Variants in PTPRT observed in about 807,000 individuals in gnomAD.
PTPRT encodes the protein receptor-type tyrosine-protein phosphatase T.
Under a neutral mutation model 176.8 loss-of-function variants are expected in PTPRT, and 56 were observed. The ratio of observed to expected loss-of-function variants is 0.32; its 90% CI spans 0.26 to 0.40. The LOEUF is 0.40. Among genes scored for constraint, PTPRT ranks in the 10% least tolerant of loss-of-function variants. The pLI is 1.00. For missense variants in PTPRT, 1,540 were observed against 1,908.2 expected (o/e 0.81, Z 3.60); for synonymous variants, 783 against 739.0 (o/e 1.06, Z -0.96).
intron 1 of PTPRT, among the ~76,000 whole-genome samples, chr20:42,962,222 G>A (rs186494244): frequency 2.6e-5 from 4 of 152,318 alleles, no homozygotes; most frequent in Admixed American, 2.0e-4. Flanking sequence ...AGTTTATAGG[G>A]TTGATATCTT....
At chr20:42,144,926 T>G (rs1325541084) in intron 17 of PTPRT, among the ~76,000 whole-genome samples, 1 of 152,154 alleles carries the variant, frequency 6.6e-6, no homozygotes, top group Non-Finnish European at 1.5e-5. Flanking sequence ...AAGCCCTGTT[T>G]TATTGGCAGG....
intron 2 of PTPRT, among the ~76,000 whole-genome samples, chr20:42,828,859 T>A (rs761728667): frequency 6.6e-6 from 1 of 152,146 alleles, no homozygotes; most frequent in Non-Finnish European, 1.5e-5. Context: ...GGAGCCCTCA[T>A]AGAGAACCTC....
intron 9 of PTPRT, among the ~76,000 whole-genome samples, chr20:42,392,087 C>A (rs1034546976): frequency 6.6e-6 from 1 of 152,192 alleles, no homozygotes; most frequent in Non-Finnish European, 1.5e-5. Context: ...ATACCTGATG[C>A]CAACTCCCTA....
In PTPRT at chr20:43,189,627, G is replaced by A. The variant is rs745567698; in HGVS notation, c.88+19C>T. 4.0e-5 allele frequency: 50 copies of A among 1,243,236 alleles called. No individual in the cohort carries two copies. The Admixed American group carries it at 2.1e-3, about 51-fold the overall frequency. 77.0% of individuals were successfully genotyped at this position (1,243,236 alleles called of 1,614,324 possible). On this transcript the variant is annotated intron_variant, in intron 1 of 30. Coordinates refer to ENST00000373187, the MANE Select transcript of PTPRT (RefSeq NM_007050.6). The surrounding 1 kb of genome is among the most constrained non-coding windows in gnomAD (Gnocchi z 5.0). ...AGGAGGGAGCGGGGAGCCCAGGGGA[G>A]CCGGGCGGGCGCACTCACCTGCGGC...
chr20:42,725,822 T>C (rs1008058276), intron 6 of PTPRT, among the ~76,000 whole-genome samples: 2 of 151,892 alleles, frequency 1.3e-5, no homozygotes, highest in African/African-American at 4.8e-5. Context: ...ACTGGGTATA[T>C]ACCCAAATTA....
At chr20:42,721,929 C>T (rs2076309771) in intron 6 of PTPRT, among the ~76,000 whole-genome samples, 1 of 152,324 alleles carries the variant, frequency 6.6e-6, no homozygotes, top group African/African-American at 2.4e-5. Context: ...TGCCACATCC[C>T]CCAGGGACTC....
chr20:42,479,835 T>C (rs751575488), intron 7 of PTPRT, among the ~76,000 whole-genome samples: 13 of 152,230 alleles, frequency 8.5e-5, no homozygotes, highest in Non-Finnish European at 1.3e-4. Flanking sequence ...TCTGGTTCAA[T>C]CATTTCAGAT....
intron 17 of PTPRT, among the ~76,000 whole-genome samples, chr20:42,154,847 G>A (rs527601075): frequency 6.6e-6 from 1 of 152,308 alleles, no homozygotes; most frequent in South Asian, 2.1e-4. Context: ...GGGAAGGTGG[G>A]AGAACTGGAG....
At chr20:43,001,882 AAAAAC>A (rs1350188602) in intron 1 of PTPRT, among the ~76,000 whole-genome samples, 20 of 147,026 alleles carry the variant, frequency 1.4e-4, no homozygotes, top group Non-Finnish European at 2.5e-4. Flanking sequence ...AAACAAACAA[AAAAAC>A]AAACAAAAAA....
intron 6 of PTPRT, among the ~76,000 whole-genome samples, chr20:42,738,255 G>A (rs959695851): frequency 1.3e-5 from 2 of 152,188 alleles, no homozygotes; most frequent in African/African-American, 4.8e-5. Flanking sequence ...GCTCATGCCT[G>A]TAATCCTAGC....
At chr20:42,578,542 A>G (rs78269236) in intron 7 of PTPRT, among the ~76,000 whole-genome samples, 1 of 152,198 alleles carries the variant, frequency 6.6e-6, no homozygotes, top group African/African-American at 2.4e-5. Flanking sequence ...CTCCATCGAC[A>G]TTCTTCCCCA....
At position 42,238,108 on chromosome 20, in the gene PTPRT, C is replaced by T. The variant is rs143738256; in HGVS notation, c.2313-1850G>A. Among the ~76,000 whole-genome samples the T allele has an allele frequency of 5.6e-3, 855 of 152,222 alleles. 11 individuals carry two copies. The highest frequency in any genetic ancestry group is 0.02 in the African/African-American group (813 of 41,540). ...TCTGTGAGTCAGGCACCATTACCCT[C>T]GTTTTATAATTAAGAGAAAAGAGAA... On this transcript the variant is annotated intron_variant, in intron 14 of 30. Coordinates refer to ENST00000373187, the MANE Select transcript of PTPRT (RefSeq NM_007050.6).
chr20:42,340,676 G>A (rs771543969), intron 11 of PTPRT, among the ~76,000 whole-genome samples: 2 of 152,192 alleles, frequency 1.3e-5, no homozygotes, highest in Non-Finnish European at 2.9e-5. Context: ...CAATAGATCA[G>A]GCTATAGAAA....
Position 43,102,869 on chromosome 20 carries a change from C to T in PTPRT, c.88+86777G>A, listed in dbSNP as rs904771547. 3.3e-5 allele frequency among the ~76,000 whole-genome samples: 5 copies of T among 152,232 alleles called. No homozygotes were observed. In the South Asian group the frequency reaches 8.3e-4, roughly 25 times the overall value. On this transcript the variant is annotated intron_variant, in intron 1 of 30. Coordinates refer to ENST00000373187, the MANE Select transcript of PTPRT (RefSeq NM_007050.6). ...CAGAATGAACTACTTAAACCCAAAC[C>T]CTTGGCTCAAGGTGTACTTTGGGGG...
intron 1 of PTPRT, among the ~76,000 whole-genome samples, chr20:43,140,061 G>A (rs1003754868): frequency 2.6e-5 from 4 of 152,092 alleles, no homozygotes; most frequent in East Asian, 1.9e-4. Context: ...CTTCCCCAGC[G>A]TTTATTACAA....
At chr20:42,085,252 T>C (rs1983767950) in intron 28 of PTPRT, among the ~76,000 whole-genome samples, 1 of 152,036 alleles carries the variant, frequency 6.6e-6, no homozygotes. Context: ...GGGCCCCAAG[T>C]AGTGACCAAA....
At position 42,548,672 on chromosome 20, in the gene PTPRT, G is replaced by A. The variant is rs6030319; in HGVS notation, c.1154-76110C>T. ...TATGGATGTATATTCAGTAAAATAA[G>A]CAGAACACAGATTGGGAAAAGATAC... On this transcript the variant is annotated intron_variant, in intron 7 of 30. Coordinates refer to ENST00000373187, the MANE Select transcript of PTPRT (RefSeq NM_007050.6). Among the ~76,000 whole-genome samples the A allele has an allele frequency of 3.4e-3, 515 of 152,190 alleles. 6 individuals carry two copies. The highest frequency in any genetic ancestry group is 0.012 in the African/African-American group (496 of 41,556).
At chr20:42,731,472 C>T (rs1223130368) in intron 6 of PTPRT, among the ~76,000 whole-genome samples, 1 of 152,172 alleles carries the variant, frequency 6.6e-6, no homozygotes, top group African/African-American at 2.4e-5. Context: ...CATGCACTAC[C>T]CATGTACAGC....
intron 26 of PTPRT, among the ~76,000 whole-genome samples, chr20:42,100,919 C>T (rs1439666240): frequency 6.6e-6 from 1 of 152,166 alleles, no homozygotes; most frequent in Non-Finnish European, 1.5e-5. Context: ...CAGGGCAGGC[C>T]CCTAGAGAGC....
Sources: gnomAD v4.1 joint callset for allele counts (sites outside exome capture counted in the v4.1 genomes callset) on GRCh38, gnomAD v4.1.1 for gene constraint, Gnocchi (gnomAD v3.1) non-coding constraint, MANE v1.5 for transcripts, NCBI Gene and HGNC (gene_info 2026-07-23, HGNC 2026-07-21) for gene names.